The following LDB2 variants were observed in gnomAD, a reference collection of about 807,000 sequenced individuals.
The protein encoded by LDB2 is LIM domain-binding protein 2.
Under a neutral mutation model 44.3 loss-of-function variants are expected in LDB2, and 12 were observed. That is an observed-to-expected ratio of 0.27 (90% confidence interval 0.17 to 0.44). LDB2 has a LOEUF of 0.44. Ranked by LOEUF, LDB2 falls within the 20% of genes least tolerant of loss-of-function variation. The pLI is 1.00. For missense variants in LDB2, 344 were observed against 473.5 expected (o/e 0.73, Z 2.54); for synonymous variants, 164 against 174.8 (o/e 0.94, Z 0.49).
chr4:16,686,290 C>T (rs941432288), intron 2 of LDB2, among the ~76,000 whole-genome samples: 7 of 152,150 alleles, frequency 4.6e-5, no homozygotes, highest in Non-Finnish European at 1.0e-4. Context: ...GCAGAATGCA[C>T]AATTAGGAAG....
intron 2 of LDB2, among the ~76,000 whole-genome samples, chr4:16,635,239 A>G (rs978153035): frequency 1.3e-5 from 2 of 152,130 alleles, no homozygotes; most frequent in African/African-American, 4.8e-5. Flanking sequence ...ATGTATACCT[A>G]TGTAACAAAA....
At chr4:16,797,192 A>T (rs1410493836) in intron 1 of LDB2, among the ~76,000 whole-genome samples, 1 of 152,222 alleles carries the variant, frequency 6.6e-6, no homozygotes, top group African/African-American at 2.4e-5. Flanking sequence ...CCCGCCCTGT[A>T]TGAGGGCTTT....
At chr4:16,781,214 A>G (rs1240792989) in intron 1 of LDB2, among the ~76,000 whole-genome samples, 1 of 152,208 alleles carries the variant, frequency 6.6e-6, no homozygotes, top group Non-Finnish European at 1.5e-5. Flanking sequence ...AGGCTGAGGC[A>G]TAAGAGTGGG....
Position 16,755,209 on chromosome 4 carries a change from G to A in LDB2, c.235+3949C>T, listed in dbSNP as rs570001910. The stretch of plus-strand genomic sequence containing the variant: ...CTGCTACATTCCTAAAAGGAGCAAA[G>A]GGAAATTAATATTGTGCTTGAAACT... On this transcript the variant is annotated intron_variant, in intron 2 of 7. Coordinates refer to ENST00000304523, the MANE Select transcript of LDB2 (RefSeq NM_001290.5). Among the ~76,000 whole-genome samples the A allele has an allele frequency of 5.9e-5, 9 of 152,252 alleles. 1 individual carries two copies. In the South Asian group the frequency reaches 1.9e-3, roughly 32 times the overall value.
At chr4:16,748,420 C>G (rs1410311112) in intron 2 of LDB2, among the ~76,000 whole-genome samples, 1 of 152,108 alleles carries the variant, frequency 6.6e-6, no homozygotes, top group Non-Finnish European at 1.5e-5. Context: ...TTCAAATACT[C>G]CAATATGATT....
chr4:16,853,944 G>C (rs989432297), intron 1 of LDB2, among the ~76,000 whole-genome samples: 19 of 152,028 alleles, frequency 1.2e-4, no homozygotes, highest in African/African-American at 4.6e-4. Context: ...AATATACAGA[G>C]ATACATAATA....
rs140696786 is a variant in LDB2, at chr4:16,873,970, G to T, written c.132+24384C>A. 4.3e-3 allele frequency among the ~76,000 whole-genome samples: 661 copies of T among 152,214 alleles called. 5 individuals carry two copies. Among genetic ancestry groups the T allele is most frequent in the Non-Finnish European group, 7.6e-3 (514 of 68,010 alleles). On this transcript the variant is annotated intron_variant, in intron 1 of 7. Transcript: ENST00000304523. ...CATAATGTTTTTGAGGCTCGTCCAC[G>T]CTGTAGCAATGGATCCAAATTTCAT... is the stretch of plus-strand genomic sequence containing the variant.
intron 2 of LDB2, among the ~76,000 whole-genome samples, chr4:16,609,550 C>G (rs1370104219): frequency 5.9e-5 from 9 of 152,202 alleles, no homozygotes; most frequent in Admixed American, 5.9e-4. Context: ...GGTCCCAAGA[C>G]GTGTCCCCAC....
chr4:16,585,967 G>A lies in LDB2; in HGVS notation c.570C>T (p.Asn190=), dbSNP rs1716647919. ...AGTTTGTTAGCCCCATCCTGGTGAT[G>A]TTTTTGGACAGCTGATCCAGGACCT... is the stretch of plus-strand genomic sequence containing the variant. ...DPQVLDQLSK[N]ITRMGLTNFT... is the part of the protein sequence containing the mutation. Residue 190 remains asparagine, a synonymous_variant, in exon 5 of 8, where the codon AAC becomes AAT. Coordinates refer to ENST00000304523, the MANE Select transcript of LDB2 (RefSeq NM_001290.5). The A allele has an allele frequency of 6.2e-7, 1 of 1,613,838 alleles. No homozygotes were observed. Among genetic ancestry groups the A allele is most frequent in the Non-Finnish European group, 8.5e-7 (1 of 1,179,802 alleles).
At chr4:16,604,471 A>G (rs536087040) in intron 2 of LDB2, among the ~76,000 whole-genome samples, 1 of 150,096 alleles carries the variant, frequency 6.7e-6, no homozygotes, top group Non-Finnish European at 1.5e-5. Context: ...ATGAGAATAT[A>G]TATATTCTTA....
intron 1 of LDB2, among the ~76,000 whole-genome samples, chr4:16,816,766 C>T (rs568664798): frequency 1.3e-5 from 2 of 152,134 alleles, no homozygotes; most frequent in East Asian, 3.9e-4. Flanking sequence ...TCTTTTTTGT[C>T]CTTCACAACA....
At chr4:16,513,751 A>G (rs1473725729) in intron 5 of LDB2, among the ~76,000 whole-genome samples, 3 of 152,108 alleles carry the variant, frequency 2.0e-5, no homozygotes, top group East Asian at 3.9e-4. Flanking sequence ...TGTATAAAGC[A>G]AAGTTTGTCT....
intron 5 of LDB2, among the ~76,000 whole-genome samples, chr4:16,528,009 A>G (rs1237716104): frequency 6.6e-6 from 1 of 152,140 alleles, no homozygotes; most frequent in African/African-American, 2.4e-5. Context: ...TAATATATAT[A>G]TATATACACT....
At chr4:16,887,631 G>A (rs1009255101) in intron 1 of LDB2, among the ~76,000 whole-genome samples, 41 of 151,580 alleles carry the variant, frequency 2.7e-4, no homozygotes, top group African/African-American at 9.2e-4. Context: ...AAATCTTCAC[G>A]AGTCCTAAGA....
intron 2 of LDB2, among the ~76,000 whole-genome samples, chr4:16,736,755 T>C (rs1300322344): frequency 6.6e-6 from 1 of 152,228 alleles, no homozygotes; most frequent in Non-Finnish European, 1.5e-5. Context: ...GAATTTGACT[T>C]CTTTTGTTTA....
intron 3 of LDB2, among the ~76,000 whole-genome samples, chr4:16,589,801 C>T (rs920477679): frequency 7.9e-5 from 12 of 152,132 alleles, no homozygotes; most frequent in Middle Eastern, 6.8e-3. Flanking sequence ...AAATAGCGGG[C>T]GGATACTTTG....
intron 7 of LDB2, among the ~76,000 whole-genome samples, chr4:16,505,059 C>CAACTT (rs1359937762): frequency 2.6e-5 from 4 of 152,034 alleles, no homozygotes; most frequent in African/African-American, 9.7e-5. Flanking sequence ...AAAAAGCAGC[C>CAACTT]AACTTAAGCA....
chr4:16,635,304 G>A (rs555831189), intron 2 of LDB2, among the ~76,000 whole-genome samples: 1 of 151,970 alleles, frequency 6.6e-6, no homozygotes, highest in East Asian at 1.9e-4. Context: ...AAAAAATTGA[G>A]TCACCCACAT....
intron 5 of LDB2, among the ~76,000 whole-genome samples, chr4:16,530,627 A>G (rs1442109351): frequency 6.6e-6 from 1 of 152,208 alleles, no homozygotes; most frequent in East Asian, 1.9e-4. Flanking sequence ...AAGGGTTAAC[A>G]TATACCTCCC....
Sources: allele counts gnomAD v4.1 joint callset (sites outside exome capture counted in the v4.1 genomes callset), GRCh38; gene constraint gnomAD v4.1.1; transcripts MANE v1.5; gene names NCBI Gene and HGNC (gene_info 2026-07-23, HGNC 2026-07-21).